Variants in CRPPA observed in about 807,000 individuals in gnomAD.
The protein encoded by CRPPA is D-ribitol-5-phosphate cytidylyltransferase.
A neutral mutation model predicts 52.0 loss-of-function variants in CRPPA; 43 were observed. The ratio of observed to expected loss-of-function variants is 0.83; its 90% CI spans 0.65 to 1.07. The LOEUF is 1.07. Among genes scored for constraint, CRPPA ranks in the 50% least tolerant of loss-of-function variants. The probability of loss-of-function intolerance (pLI) is 0.00; values close to 1 mark genes in which losing one functional copy is unlikely to be tolerated. For synonymous variants in CRPPA, 250 were observed against 203.5 expected, an observed-to-expected ratio of 1.23 and a Z score of -1.94; for missense variants, 629 against 551.7, an observed-to-expected ratio of 1.14 and a Z score of -1.40.
chr7:16,356,621 T>C (rs1786302403), intron 3 of CRPPA, among the ~76,000 whole-genome samples: 1 of 152,182 alleles, frequency 6.6e-6, no homozygotes, highest in Non-Finnish European at 1.5e-5. Flanking sequence ...TCACAGCCAA[T>C]AGAGACTACA....
chr7:16,261,595 A>ATT (rs11448646), intron 6 of CRPPA, among the ~76,000 whole-genome samples: 52 of 149,184 alleles, frequency 3.5e-4, no homozygotes, highest in African/African-American at 9.1e-4. Flanking sequence ...TTTTGGAGCA[A>ATT]TTTTTTTTTT....
At chr7:16,136,923 G>C (rs754982336) in intron 9 of CRPPA, among the ~76,000 whole-genome samples, 2 of 152,186 alleles carry the variant, frequency 1.3e-5, no homozygotes, top group African/African-American at 4.8e-5. Context: ...TGTGGGCCAA[G>C]TTTAAACCCA....
chr7:16,174,581 A>C (rs1781256704), intron 9 of CRPPA, among the ~76,000 whole-genome samples: 1 of 152,198 alleles, frequency 6.6e-6, no homozygotes, highest in African/African-American at 2.4e-5. Context: ...TCATAAGGAA[A>C]AAGCATTAAA....
At chr7:16,327,367 T>C (rs943602164) in intron 3 of CRPPA, among the ~76,000 whole-genome samples, 5 of 147,006 alleles carry the variant, frequency 3.4e-5, no homozygotes, top group Non-Finnish European at 7.5e-5. Flanking sequence ...CCGAGGCGGG[T>C]GGATCATGAG....
rs116248016 is a variant in CRPPA, at chr7:16,367,301, T to C, written c.684+8791A>G. Reference sequence around the variant, plus strand: ...CCTGAGGCTCTTCCTTATCTGCAAATCCAATCCAGGCACAACCGAACAACT... The same window carrying C: ...CCTGAGGCTCTTCCTTATCTGCAAACCCAATCCAGGCACAACCGAACAACT... On this transcript the variant is annotated intron_variant, in intron 3 of 9. Coordinates refer to ENST00000407010, the MANE Select transcript of CRPPA (RefSeq NM_001101426.4). Among the ~76,000 whole-genome samples the C allele has an allele frequency of 1.4e-3, 210 of 152,144 alleles. 3 individuals carry two copies. The highest frequency in any genetic ancestry group is 4.6e-3 in the African/African-American group (192 of 41,500).
chr7:16,401,175 T>C (rs12537054), intron 2 of CRPPA, among the ~76,000 whole-genome samples: 8 of 152,206 alleles, frequency 5.3e-5, no homozygotes, highest in Admixed American at 3.9e-4. Context: ...TCCTAAATCA[T>C]GTTTTCTCAT....
chr7:16,165,618 A>T (rs1339051266), intron 9 of CRPPA, among the ~76,000 whole-genome samples: 1 of 152,244 alleles, frequency 6.6e-6, no homozygotes, highest in African/African-American at 2.4e-5. Flanking sequence ...TCATTGTCAG[A>T]TGGAACCCAC....
At chr7:16,269,723 T>C (rs1784047107) in intron 6 of CRPPA, 1 of 152,190 alleles carries the variant, frequency 6.6e-6, no homozygotes, top group Admixed American at 6.5e-5. Context: ...ACCAAAACCT[T>C]GGAACCATTG....
chr7:16,327,719 T>C (rs1445349109), intron 3 of CRPPA, among the ~76,000 whole-genome samples: 1 of 151,850 alleles, frequency 6.6e-6, no homozygotes, highest in African/African-American at 2.4e-5. Context: ...TTATTAAAAA[T>C]GTTCAAATTA....
chr7:16,161,387 G>C (rs60772574), intron 9 of CRPPA, among the ~76,000 whole-genome samples: 1 of 152,122 alleles, frequency 6.6e-6, no homozygotes, highest in Non-Finnish European at 1.5e-5. Flanking sequence ...AGTGTTTCTA[G>C]CATGAAGAGG....
intron 8 of CRPPA, among the ~76,000 whole-genome samples, chr7:16,226,401 T>C (rs1288323840): frequency 6.6e-6 from 1 of 151,944 alleles, no homozygotes; most frequent in East Asian, 1.9e-4. Context: ...ATATTCTGGA[T>C]TAAAATAAAA....
rs988488637 is a variant in CRPPA, at chr7:16,144,879, T to C, written c.1252-53080A>G. On this transcript the variant is annotated intron_variant, in intron 9 of 9. Transcript: ENST00000407010. The stretch of plus-strand genomic sequence containing the variant: ...AGGTAAAATACCTGTGTCAGTGTAC[T>C]TCTTTCATCTGTTGCTCGGCCAGAC... 2.0e-5 allele frequency among the ~76,000 whole-genome samples: 3 copies of C among 152,178 alleles called. No homozygotes were observed. In the South Asian group the frequency reaches 6.2e-4, roughly 32 times the overall value.
At chr7:16,340,501 T>G (rs1441528207) in intron 3 of CRPPA, among the ~76,000 whole-genome samples, 1 of 151,372 alleles carries the variant, frequency 6.6e-6, no homozygotes, top group African/African-American at 2.4e-5. Context: ...TGCTCATAGG[T>G]CATTCAGGAA....
chr7:16,375,810 A>G (rs1583558402), intron 3 of CRPPA, among the ~76,000 whole-genome samples: 1 of 152,240 alleles, frequency 6.6e-6, no homozygotes, highest in South Asian at 2.1e-4. Context: ...GTCACACACA[A>G]TTTGCTGAAT....
chr7:16,398,698 C>T (rs1787692167), intron 2 of CRPPA, among the ~76,000 whole-genome samples: 1 of 152,044 alleles, frequency 6.6e-6, no homozygotes, highest in African/African-American at 2.4e-5. Flanking sequence ...ACACGATTGG[C>T]ATCTAATCAA....
chr7:16,343,011 G>A (rs915717403), intron 3 of CRPPA, among the ~76,000 whole-genome samples: 3 of 151,406 alleles, frequency 2.0e-5, no homozygotes, highest in African/African-American at 7.3e-5. Flanking sequence ...CTGCAATCCA[G>A]CCTGAATGAC....
At chr7:16,341,701 G>T (rs1785839843) in intron 3 of CRPPA, among the ~76,000 whole-genome samples, 1 of 152,158 alleles carries the variant, frequency 6.6e-6, no homozygotes, top group African/African-American at 2.4e-5. Flanking sequence ...ATCCTCAAAT[G>T]TGGGATATTA....
At chr7:16,274,089 G>T (rs541681043) in intron 6 of CRPPA, among the ~76,000 whole-genome samples, 3 of 152,176 alleles carry the variant, frequency 2.0e-5, no homozygotes, top group East Asian at 3.9e-4. Context: ...TCGCTCTGTC[G>T]CCCAGGCTGG....
intron 9 of CRPPA, among the ~76,000 whole-genome samples, chr7:16,181,827 A>G (rs916064198): frequency 6.6e-6 from 1 of 152,046 alleles, no homozygotes; most frequent in African/African-American, 2.4e-5. Context: ...TGAATATGAG[A>G]AACAAAAAAG....
Sources: gnomAD v4.1 joint callset for allele counts (sites outside exome capture counted in the v4.1 genomes callset) on GRCh38, gnomAD v4.1.1 for gene constraint, MANE v1.5 for transcripts, NCBI Gene and HGNC (gene_info 2026-07-23, HGNC 2026-07-21) for gene names.